The following SGMS1 variants were observed in gnomAD, a reference collection of about 807,000 sequenced individuals.
The protein encoded by SGMS1 is phosphatidylcholine:ceramide cholinephosphotransferase 1.
Under a neutral mutation model 46.2 loss-of-function variants are expected in SGMS1, and 13 were observed. The observed-to-expected ratio is 0.28, with a 90% CI of 0.18 to 0.45. SGMS1 has a LOEUF of 0.45. Among genes scored for constraint, SGMS1 ranks in the 20% least tolerant of loss-of-function variants. The pLI, the probability that SGMS1 is intolerant of heterozygous loss-of-function variation, is 1.00. For missense variants in SGMS1, 324 were observed against 519.9 expected (o/e 0.62, Z 3.66); for synonymous variants, 203 against 187.8 (o/e 1.08, Z -0.66).
At chr10:50,358,550 G>A (rs769951376) in intron 6 of SGMS1, among the ~76,000 whole-genome samples, 24 of 152,116 alleles carry the variant, frequency 1.6e-4, no homozygotes, top group Non-Finnish European at 2.8e-4. Context: ...TTAACTGGGC[G>A]TGGTAGCTCA....
chr10:50,481,495 AC>A (rs753876194), intron 3 of SGMS1, among the ~76,000 whole-genome samples: 47 of 152,124 alleles, frequency 3.1e-4, no homozygotes, highest in Admixed American at 5.2e-4. Flanking sequence ...AACAACAACA[AC>A]ATCAACAAAA....
At chr10:50,457,221 C>A (rs1308667332) in intron 5 of SGMS1, among the ~76,000 whole-genome samples, 1 of 152,012 alleles carries the variant, frequency 6.6e-6, no homozygotes, top group Non-Finnish European at 1.5e-5. Context: ...GGATATAAAA[C>A]ACTAAGATTT....
chr10:50,338,157 C>T (rs1232164667), intron 7 of SGMS1, among the ~76,000 whole-genome samples: 3 of 152,174 alleles, frequency 2.0e-5, no homozygotes, highest in Non-Finnish European at 4.4e-5. Flanking sequence ...TTGTCACCCA[C>T]TAAGTGACCA....
intron 1 of SGMS1, among the ~76,000 whole-genome samples, chr10:50,593,496 A>AT (rs1002524730): frequency 4.6e-5 from 7 of 151,624 alleles, no homozygotes; most frequent in East Asian, 1.9e-4. Flanking sequence ...CAGTGTTTAA[A>AT]TTTTTTTTTC....
chr10:50,316,889 A>T (rs948488368), intron 8 of SGMS1, among the ~76,000 whole-genome samples: 1 of 152,166 alleles, frequency 6.6e-6, no homozygotes, highest in African/African-American at 2.4e-5. Flanking sequence ...GGCCCAAAAC[A>T]GCAAAACTAT....
At chr10:50,518,709 G>A (rs1305936841) in intron 3 of SGMS1, among the ~76,000 whole-genome samples, 2 of 152,120 alleles carry the variant, frequency 1.3e-5, no homozygotes, top group East Asian at 3.9e-4. Context: ...ATGAGCCATC[G>A]CACCCCGCCA....
intron 3 of SGMS1, among the ~76,000 whole-genome samples, chr10:50,507,125 G>C (rs151304536): frequency 5.2e-4 from 79 of 152,250 alleles, no homozygotes; most frequent in African/African-American, 1.6e-3. Flanking sequence ...GCTAGGTCTG[G>C]CCAAAAGCTC....
At chr10:50,535,297 T>C (rs1325890001) in intron 2 of SGMS1, among the ~76,000 whole-genome samples, 2 of 152,162 alleles carry the variant, frequency 1.3e-5, no homozygotes, top group Admixed American at 6.5e-5. Flanking sequence ...CCCTAGCTGT[T>C]CATATGAAGC....
At chr10:50,385,977 G>C (rs147312065) in intron 6 of SGMS1, among the ~76,000 whole-genome samples, 1 of 151,968 alleles carries the variant, frequency 6.6e-6, no homozygotes, top group Non-Finnish European at 1.5e-5. Flanking sequence ...GGCTTTTTAG[G>C]CTATGACATA....
At chr10:50,319,502 A>C in intron 8 of SGMS1, among the ~76,000 whole-genome samples, 1 of 152,246 alleles carries the variant, frequency 6.6e-6, no homozygotes, top group African/African-American at 2.4e-5. Context: ...TTCTTTCCCC[A>C]GTCTAGGTTC....
chr10:50,490,362 A>T (rs1837557162), intron 3 of SGMS1, among the ~76,000 whole-genome samples: 1 of 152,228 alleles, frequency 6.6e-6, no homozygotes, highest in East Asian at 1.9e-4. Context: ...GAATGTAAAT[A>T]TGACGCCTAG....
At chr10:50,348,685 A>C (rs1391885271) in intron 6 of SGMS1, among the ~76,000 whole-genome samples, 2 of 152,226 alleles carry the variant, frequency 1.3e-5, no homozygotes, top group Admixed American at 6.5e-5. Flanking sequence ...ACAAATGGGA[A>C]AACATCCCAT....
chr10:50,573,676 T>C (rs761289618), intron 2 of SGMS1, among the ~76,000 whole-genome samples: 8 of 152,108 alleles, frequency 5.3e-5, no homozygotes, highest in Non-Finnish European at 1.0e-4. Context: ...TCCTAAAATT[T>C]GTATGAAACC....
At chr10:50,507,267 A>C (rs1315004142) in intron 3 of SGMS1, among the ~76,000 whole-genome samples, 1 of 152,176 alleles carries the variant, frequency 6.6e-6, no homozygotes, top group African/African-American at 2.4e-5. Flanking sequence ...CTAAAGTACC[A>C]TTTAGAGTTG....
At chr10:50,443,543 T>C (rs1849571966) in intron 5 of SGMS1, among the ~76,000 whole-genome samples, 1 of 152,010 alleles carries the variant, frequency 6.6e-6, no homozygotes, top group Admixed American at 6.6e-5. Context: ...GAATTCTATA[T>C]ACAACAAAAA....
chr10:50,352,285 A>C (rs1848032145), intron 6 of SGMS1, among the ~76,000 whole-genome samples: 1 of 152,134 alleles, frequency 6.6e-6, no homozygotes, highest in African/African-American at 2.4e-5. Flanking sequence ...CTCTTCCCTG[A>C]ATTCACACAC....
At chr10:50,341,396 A>G in intron 7 of SGMS1, 1 of 456,046 alleles carries the variant, frequency 2.2e-6, no homozygotes, top group Non-Finnish European at 4.4e-6. Context: ...GACGATGCTT[A>G]GGAAGATCAT....
intron 1 of SGMS1, among the ~76,000 whole-genome samples, chr10:50,614,315 G>A (rs1838777312): frequency 6.6e-6 from 1 of 152,164 alleles, no homozygotes; most frequent in Non-Finnish European, 1.5e-5. Context: ...TTTCTGCTCT[G>A]GACTGGCTCA....
chr10:50,595,921 G>A (rs1050538852), intron 1 of SGMS1, among the ~76,000 whole-genome samples: 3 of 152,176 alleles, frequency 2.0e-5, no homozygotes, highest in Admixed American at 1.3e-4. Context: ...CAGGCACAAT[G>A]TTTTCCTCTG....
Sources: allele counts gnomAD v4.1 joint callset (sites outside exome capture counted in the v4.1 genomes callset), GRCh38; gene constraint gnomAD v4.1.1; transcripts MANE v1.5; gene names NCBI Gene and HGNC (gene_info 2026-07-23, HGNC 2026-07-21).